The following CNGB3 variants were observed in gnomAD, a reference collection of about 807,000 sequenced individuals.
CNGB3 encodes cyclic nucleotide gated channel subunit beta 3, also known as cyclic nucleotide-gated channel beta-3.
Under a neutral mutation model 92.8 loss-of-function variants are expected in CNGB3, and 86 were observed. The ratio of observed to expected loss-of-function variants is 0.93; its 90% CI spans 0.78 to 1.11. The LOEUF is 1.11. Among genes scored for constraint, CNGB3 ranks in the 50% least tolerant of loss-of-function variants. CNGB3 has a pLI of 0.00. For missense variants in CNGB3, 1,026 were observed against 956.8 expected (o/e 1.07, Z -0.95); for synonymous variants, 333 against 332.7 (o/e 1.00, Z -0.01).
At chr8:86,696,212 T>A (rs952356239) in intron 3 of CNGB3, among the ~76,000 whole-genome samples, 17 of 152,190 alleles carry the variant, frequency 1.1e-4, no homozygotes, top group Admixed American at 9.8e-4. Flanking sequence ...TATCTATTGT[T>A]TTCTCCTTCT....
chr8:86,728,032 T>A (rs1232031565), intron 2 of CNGB3, among the ~76,000 whole-genome samples: 1 of 152,144 alleles, frequency 6.6e-6, no homozygotes, highest in African/African-American at 2.4e-5. Context: ...AGTTTAAGAC[T>A]AAGAAAGCCT....
intron 6 of CNGB3, chr8:86,659,508 A>C (rs1280070437): frequency 1.6e-6 from 1 of 608,692 alleles, no homozygotes; most frequent in Admixed American, 2.3e-5. Context: ...TCAGATCCTC[A>C]TATAACTCCA....
intron 3 of CNGB3, among the ~76,000 whole-genome samples, chr8:86,703,274 A>G (rs1405644905): frequency 6.6e-6 from 1 of 152,078 alleles, no homozygotes; most frequent in African/African-American, 2.4e-5. Flanking sequence ...TATAGGGACT[A>G]TTTTCCTTCC....
intron 15 of CNGB3, among the ~76,000 whole-genome samples, chr8:86,586,094 G>A (rs182288332): frequency 6.6e-6 from 1 of 152,158 alleles, no homozygotes. Context: ...GGAAGATAAA[G>A]AATTCACTGT....
chr8:86,682,766 A>T (rs146148456), intron 3 of CNGB3, among the ~76,000 whole-genome samples: 405 of 152,304 alleles, frequency 2.7e-3, no homozygotes, highest in African/African-American at 9.1e-3. Flanking sequence ...TGAGGCTTAG[A>T]GAAACCAGAA....
At chr8:86,735,332 C>T (rs750278597) in intron 2 of CNGB3, among the ~76,000 whole-genome samples, 56 of 151,070 alleles carry the variant, frequency 3.7e-4, no homozygotes, top group Non-Finnish European at 6.6e-4. Context: ...TTAGTAGAGA[C>T]GGGGTTTCAC....
At chr8:86,601,729 C>G (rs972280857) in intron 15 of CNGB3, among the ~76,000 whole-genome samples, 1 of 152,092 alleles carries the variant, frequency 6.6e-6, no homozygotes, top group Non-Finnish European at 1.5e-5. Flanking sequence ...GCCTGTGAAG[C>G]CTGTGGGTAT....
chr8:86,644,501 A>G lies in CNGB3; in HGVS notation c.1055+121T>C, dbSNP rs532442936. ...TAGAACATAGTCCTATATTTTATAT[A>G]GCCAAAGCTGAAATTATATCCTTTT... On this transcript the variant is annotated intron_variant, in intron 9 of 17. Coordinates refer to ENST00000320005, the MANE Select transcript of CNGB3 (RefSeq NM_019098.5). The G allele has an allele frequency of 9.3e-5, 122 of 1,317,888 alleles. No individual in the cohort carries two copies. The African/African-American group carries it at 1.5e-3, about 16-fold the overall frequency. The allele number at this position is 1,317,888 out of a possible 1,614,324, so 81.6% of individuals were successfully genotyped here.
At chr8:86,729,205 A>C (rs1825118928) in intron 2 of CNGB3, among the ~76,000 whole-genome samples, 1 of 152,114 alleles carries the variant, frequency 6.6e-6, no homozygotes, top group African/African-American at 2.4e-5. Context: ...CTGGTGGGCT[A>C]TTTCTTATAA....
intron 7 of CNGB3, among the ~76,000 whole-genome samples, chr8:86,653,445 C>T (rs1823443294): frequency 6.6e-6 from 1 of 152,020 alleles, no homozygotes; most frequent in South Asian, 2.1e-4. Context: ...AAAGAATTGT[C>T]TTTGAAGTGA....
chr8:86,629,831 G>A (rs1182080469), intron 11 of CNGB3, among the ~76,000 whole-genome samples: 2 of 152,050 alleles, frequency 1.3e-5, no homozygotes, highest in Admixed American at 6.6e-5. Context: ...GATCTTTAAG[G>A]TCTCAGCACA....
chr8:86,599,805 A>G (rs916998751), intron 15 of CNGB3, among the ~76,000 whole-genome samples: 2 of 152,178 alleles, frequency 1.3e-5, no homozygotes, highest in Non-Finnish European at 2.9e-5. Flanking sequence ...CTGAAACTTC[A>G]TTAGCAATTT....
intron 7 of CNGB3, among the ~76,000 whole-genome samples, chr8:86,648,291 A>G (rs1417447825): frequency 6.6e-6 from 1 of 151,100 alleles, no homozygotes; most frequent in Non-Finnish European, 1.5e-5. Flanking sequence ...CATTGTAGTG[A>G]TATATTTTTA....
chr8:86,716,188 A>G lies in CNGB3; in HGVS notation c.338+10343T>C, dbSNP rs572057257. Among the ~76,000 whole-genome samples the G allele has an allele frequency of 3.5e-4, 54 of 152,230 alleles. No homozygotes were observed. The South Asian group carries it at 9.5e-3, about 27-fold the overall frequency. On this transcript the variant is annotated intron_variant, in intron 3 of 17. Coordinates refer to ENST00000320005, the MANE Select transcript of CNGB3 (RefSeq NM_019098.5). ...CCCTTCTGACAAAGGAAAACAGAAT[A>G]CAAAAATGAACAAAGCCTCCAAGAA...
At chr8:86,592,900 C>G (rs557655354) in intron 15 of CNGB3, among the ~76,000 whole-genome samples, 1 of 152,204 alleles carries the variant, frequency 6.6e-6, no homozygotes, top group South Asian at 2.1e-4. Context: ...TTAGGAAACA[C>G]TTTATTCCTT....
rs751654416 is a variant in CNGB3, at chr8:86,667,083, T to C, written c.694A>G (p.Asn232Asp). The change falls in exon 6 of 18, where the codon AAC becomes GAC. Residue 232 changes from asparagine (N) to aspartate (D), a missense_variant. Transcript: ENST00000320005. The part of the protein sequence containing the change: ...LLLVTLAYNW[N>D]CCFIPLRLVF... ...AGGCGCAGTGGTATAAAACAGCAGT[T>C]CCAGTTATAGGCAAGAGTGACAAGC... The C allele has an allele frequency of 3.1e-6, 5 of 1,614,026 alleles. No homozygotes were observed. In the South Asian group the frequency reaches 5.5e-5, roughly 18 times the overall value.
intron 1 of CNGB3, among the ~76,000 whole-genome samples, chr8:86,740,585 A>G (rs1449344696): frequency 6.6e-6 from 1 of 152,168 alleles, no homozygotes; most frequent in African/African-American, 2.4e-5. Context: ...GGATGGGACA[A>G]AGGGTGAGTA....
At chr8:86,590,615 A>T (rs1354954827) in intron 15 of CNGB3, among the ~76,000 whole-genome samples, 1 of 151,740 alleles carries the variant, frequency 6.6e-6, no homozygotes, top group Admixed American at 6.6e-5. Flanking sequence ...GTTTGGCTGG[A>T]TATGAAATTC....
At chr8:86,604,721 T>G (rs1009559701) in intron 14 of CNGB3, among the ~76,000 whole-genome samples, 3 of 152,222 alleles carry the variant, frequency 2.0e-5, no homozygotes, top group Non-Finnish European at 4.4e-5. Flanking sequence ...AAAGTATTAA[T>G]GCAGCAGGTT....
Sources: allele counts gnomAD v4.1 joint callset (sites outside exome capture counted in the v4.1 genomes callset), GRCh38; gene constraint gnomAD v4.1.1; transcripts MANE v1.5; gene names NCBI Gene and HGNC (gene_info 2026-07-23, HGNC 2026-07-21).